STXBP5L: variants seen among roughly 807,000 people sequenced by gnomAD.
STXBP5L encodes syntaxin binding protein 5L.
In STXBP5L, 65 loss-of-function variants were observed where a neutral mutation model predicts 144.5. That is an observed-to-expected ratio of 0.45 (90% CI 0.37 to 0.55). The LOEUF (loss-of-function observed/expected upper bound fraction) is 0.55, where lower values mean the gene tolerates loss of function less well. Ranked by LOEUF, STXBP5L falls within the 20% of genes least tolerant of loss-of-function variation. STXBP5L has a pLI of 0.00. For synonymous variants in STXBP5L, 505 were observed against 469.6 expected (o/e 1.08, Z -0.97); for missense variants, 1,298 against 1,405.5 (o/e 0.92, Z 1.22).
chr3:120,933,908 G>A (rs1038469770), intron 2 of STXBP5L, among the ~76,000 whole-genome samples: 3 of 152,092 alleles, frequency 2.0e-5, no homozygotes, highest in Non-Finnish European at 2.9e-5. Flanking sequence ...TATCTAGAGA[G>A]TGGATTACTT....
intron 3 of STXBP5L, among the ~76,000 whole-genome samples, chr3:121,017,951 C>A (rs1301484577): frequency 6.6e-6 from 1 of 152,094 alleles, no homozygotes; most frequent in African/African-American, 2.4e-5. Flanking sequence ...TTGTGGCATG[C>A]ACCCGCAGTC....
intron 18 of STXBP5L, among the ~76,000 whole-genome samples, chr3:121,274,776 A>G (rs1476195336): frequency 6.6e-6 from 1 of 152,160 alleles, no homozygotes; most frequent in African/African-American, 2.4e-5. Flanking sequence ...GAATGCCATG[A>G]TGACTTGGTC....
At chr3:121,068,421 T>C (rs191338305) in intron 5 of STXBP5L, among the ~76,000 whole-genome samples, 2 of 152,314 alleles carry the variant, frequency 1.3e-5, no homozygotes, top group African/African-American at 2.4e-5. Flanking sequence ...TATTTTACTT[T>C]CTTTTTACTT....
At chr3:121,091,284 G>A (rs1576919775) in intron 5 of STXBP5L, among the ~76,000 whole-genome samples, 1 of 147,246 alleles carries the variant, frequency 6.8e-6, no homozygotes. Context: ...AGTCCTTTGG[G>A]TATATACCCA....
chr3:121,286,996 A>G (rs760052095), intron 19 of STXBP5L, among the ~76,000 whole-genome samples: 18 of 152,060 alleles, frequency 1.2e-4, no homozygotes, highest in Middle Eastern at 3.2e-3. Context: ...CAAAGCATCT[A>G]CAGCTCACAA....
At chr3:121,378,589 C>A (rs1017292108) in intron 20 of STXBP5L, 127 bp from the exon 21 acceptor site, 29 of 1,106,386 alleles carry the variant, frequency 2.6e-5, no homozygotes, top group Non-Finnish European at 3.5e-5. Flanking sequence ...AAGGACTTAA[C>A]TATATTCATG....
intron 5 of STXBP5L, among the ~76,000 whole-genome samples, chr3:121,102,126 G>A (rs2043458694): frequency 6.6e-6 from 1 of 151,962 alleles, no homozygotes; most frequent in Non-Finnish European, 1.5e-5. Context: ...TGTTAAAATG[G>A]CCATACTTCC....
chr3:120,919,008 G>T (rs1559872437), intron 2 of STXBP5L, among the ~76,000 whole-genome samples: 1 of 152,064 alleles, frequency 6.6e-6, no homozygotes, highest in Admixed American at 6.6e-5. Context: ...ATGGGAAAAA[G>T]AATATTTTTA....
At chr3:121,092,344 C>A (rs1014576743) in intron 5 of STXBP5L, among the ~76,000 whole-genome samples, 6 of 152,056 alleles carry the variant, frequency 3.9e-5, no homozygotes, top group African/African-American at 1.2e-4. Flanking sequence ...GGCATTGAAT[C>A]TATAAATTAC....
At chr3:121,290,435 T>C (rs1341225890) in intron 19 of STXBP5L, among the ~76,000 whole-genome samples, 35 of 151,842 alleles carry the variant, frequency 2.3e-4, no homozygotes, top group Non-Finnish European at 1.5e-5. Context: ...ACAAAAAAAG[T>C]CCAGGACCAG....
intron 18 of STXBP5L, among the ~76,000 whole-genome samples, chr3:121,265,928 GA>G (rs2050548891): frequency 1.3e-5 from 2 of 152,030 alleles, no homozygotes; most frequent in South Asian, 4.2e-4. Context: ...ACTAAACCAG[GA>G]AAAAGTCAAA....
intron 3 of STXBP5L, among the ~76,000 whole-genome samples, chr3:121,007,732 T>G (rs919424337): frequency 4.8e-4 from 73 of 151,922 alleles, no homozygotes; most frequent in Non-Finnish European, 7.1e-4. Context: ...TTTAACTGCT[T>G]GTAGTTGAAG....
rs541156184 is a variant in STXBP5L, at chr3:120,959,077, G to C, written c.287+4040G>C. 9.2e-5 allele frequency among the ~76,000 whole-genome samples: 14 copies of C among 152,242 alleles called. No homozygotes were observed. The South Asian group carries it at 1.2e-3, about 14-fold the overall frequency. On this transcript the variant is annotated intron_variant, in intron 3 of 26. Coordinates refer to ENST00000471454, the MANE Select transcript of STXBP5L (RefSeq NM_001308330.2). Reference sequence around the variant, plus strand: ...CAAAGTCTCAGGATACAAAATCAATGTGCAAAAATCACAAGCATTCTTATA... The same window carrying C: ...CAAAGTCTCAGGATACAAAATCAATCTGCAAAAATCACAAGCATTCTTATA...
intron 10 of STXBP5L, among the ~76,000 whole-genome samples, chr3:121,218,105 AT>A: frequency 7.1e-6 from 1 of 141,628 alleles, no homozygotes; most frequent in Non-Finnish European, 1.5e-5. Context: ...ATAATATATA[AT>A]ATACTATATA....
At chr3:121,007,779 A>T (rs1402105303) in intron 3 of STXBP5L, among the ~76,000 whole-genome samples, 1 of 152,046 alleles carries the variant, frequency 6.6e-6, no homozygotes, top group Non-Finnish European at 1.5e-5. Flanking sequence ...CCCTGCCTGC[A>T]TAGAAATTGT....
intron 3 of STXBP5L, among the ~76,000 whole-genome samples, chr3:121,032,396 G>C (rs1454410920): frequency 6.6e-6 from 1 of 152,064 alleles, no homozygotes; most frequent in East Asian, 1.9e-4. Context: ...ATTGAATTTA[G>C]CTACTAGAAA....
intron 9 of STXBP5L, among the ~76,000 whole-genome samples, chr3:121,200,500 T>C (rs186323585): frequency 1.4e-3 from 215 of 152,336 alleles, no homozygotes; most frequent in Non-Finnish European, 2.5e-3. Context: ...CTGAACTTAG[T>C]TATTTCTTGT....
intron 5 of STXBP5L, among the ~76,000 whole-genome samples, chr3:121,074,124 A>AT: frequency 6.6e-6 from 1 of 152,202 alleles, no homozygotes; most frequent in East Asian, 1.9e-4. Flanking sequence ...CTCAAAAATG[A>AT]TTGGGGGGTT....
At chr3:121,028,297 A>G (rs1035565562) in intron 3 of STXBP5L, among the ~76,000 whole-genome samples, 11 of 152,104 alleles carry the variant, frequency 7.2e-5, no homozygotes, top group Admixed American at 7.2e-4. Flanking sequence ...TTCAGGCTAT[A>G]GCAGAAATTT....
Sources: gnomAD v4.1 joint callset for allele counts (sites outside exome capture counted in the v4.1 genomes callset) on GRCh38, gnomAD v4.1.1 for gene constraint, MANE v1.5 for transcripts, NCBI Gene and HGNC (gene_info 2026-07-23, HGNC 2026-07-21) for gene names.